The following RTL4 variants were observed in gnomAD, a reference collection of about 807,000 sequenced individuals.
RTL4 encodes the protein retrotransposon Gag-like protein 4.
A neutral mutation model predicts 5.3 loss-of-function variants in RTL4; 4 were observed. The observed-to-expected ratio is 0.75, with a 90% CI of 0.37 to 1.72. The LOEUF (loss-of-function observed/expected upper bound fraction) is 1.72. Among genes scored for constraint, RTL4 ranks in the 40% most tolerant of loss-of-function variants. RTL4 has a pLI of 0.04. For missense variants in RTL4, 260 were observed against 227.1 expected, an observed-to-expected ratio of 1.14 and a Z score of -0.93; for synonymous variants, 98 against 87.3, an observed-to-expected ratio of 1.12 and a Z score of -0.68.
At chrX:112,457,502 A>G (rs1182018967), downstream of RTL4, among the ~76,000 whole-genome samples, 1 of 111,793 alleles carries the variant, frequency 8.9e-6, no homozygotes, top group Non-Finnish European at 1.9e-5. Context: ...TCTATAATAA[A>G]GGACTAACCT....
chrX:112,313,717 G>A, the RTL4 span, among the ~76,000 whole-genome samples: 1 of 109,658 alleles, frequency 9.1e-6, no homozygotes, highest in East Asian at 2.9e-4. Flanking sequence ...TTATCTGAAG[G>A]CCAAATTCAG....
chrX:112,415,732 G>A, the RTL4 span, among the ~76,000 whole-genome samples: 9 of 111,084 alleles, frequency 8.1e-5, no homozygotes, highest in African/African-American at 2.9e-4. Context: ...AATGCTCTTA[G>A]TAACCCTGTG....
chrX:112,432,946 A>C, the RTL4 span, among the ~76,000 whole-genome samples: 16 of 103,221 alleles, frequency 1.6e-4, no homozygotes, highest in East Asian at 3.3e-4. Context: ...AGCTTTCTAC[A>C]TATGGCTAGC....
chrX:112,146,584 A>G, the RTL4 span, among the ~76,000 whole-genome samples: 1 of 110,659 alleles, frequency 9.0e-6, no homozygotes, highest in Non-Finnish European at 1.9e-5. Context: ...TCCAAAGGCT[A>G]ATGGTCAGGG....
the RTL4 span, among the ~76,000 whole-genome samples, chrX:112,110,287 T>C: frequency 8.9e-6 from 1 of 112,249 alleles, no homozygotes; most frequent in East Asian, 2.8e-4. Context: ...GGAGAGTCAC[T>C]GCTGCCAAAG....
chrX:112,128,491 G>A, the RTL4 span, among the ~76,000 whole-genome samples: 824 of 109,211 alleles, frequency 7.5e-3, 9 homozygotes, highest in African/African-American at 0.024. Context: ...AAACCCTGTC[G>A]CTACTAAAAA....
the RTL4 span, among the ~76,000 whole-genome samples, chrX:112,300,184 T>C: frequency 8.9e-6 from 1 of 112,025 alleles, no homozygotes; most frequent in Non-Finnish European, 1.9e-5. Context: ...TCTTTTTGAT[T>C]AATAATGCAT....
the RTL4 span, among the ~76,000 whole-genome samples, chrX:112,096,362 C>G: frequency 5.4e-5 from 6 of 111,729 alleles, no homozygotes; most frequent in Non-Finnish European, 9.4e-5. Context: ...CTATAGGCAT[C>G]CCATTTGTCA....
chrX:112,105,130 T>C, the RTL4 span, among the ~76,000 whole-genome samples: 5 of 111,892 alleles, frequency 4.5e-5, no homozygotes, highest in Non-Finnish European at 9.4e-5. Flanking sequence ...TTTCTCATCA[T>C]AATTTATTGA....
At chrX:112,120,487 A>G in the RTL4 span, among the ~76,000 whole-genome samples, 2 of 110,125 alleles carry the variant, frequency 1.8e-5, no homozygotes, top group Admixed American at 9.6e-5. Flanking sequence ...TGTGTTAGCC[A>G]GGATAGTCTC....
the RTL4 span, among the ~76,000 whole-genome samples, chrX:112,177,860 A>G: frequency 9.0e-6 from 1 of 110,934 alleles, no homozygotes; most frequent in Non-Finnish European, 1.9e-5. Flanking sequence ...TATGGGCCAC[A>G]CAGTCTCTGT....
At chrX:112,276,218 T>C in the RTL4 span, among the ~76,000 whole-genome samples, 1 of 111,786 alleles carries the variant, frequency 8.9e-6, no homozygotes, top group African/African-American at 3.3e-5. Flanking sequence ...GTAAATTTAA[T>C]CGTTTTTGCT....
the RTL4 span, among the ~76,000 whole-genome samples, chrX:112,326,626 G>T: frequency 4.5e-5 from 5 of 111,959 alleles, no homozygotes; most frequent in Admixed American, 9.4e-5. Context: ...CAAAGCAGCC[G>T]GGAAGCTCGA....
At chrX:112,228,671 A>T in the RTL4 span, among the ~76,000 whole-genome samples, 1 of 111,727 alleles carries the variant, frequency 9.0e-6, no homozygotes, top group Non-Finnish European at 1.9e-5. Flanking sequence ...GTATGCTTTG[A>T]TCAACATCTC....
At chrX:112,161,832 C>T in the RTL4 span, among the ~76,000 whole-genome samples, 885 of 26,446 alleles carry the variant, frequency 0.033, 12 homozygotes, top group Middle Eastern at 0.057. Context: ...TTCCTTCCTT[C>T]CTTCCTTCCT....
the RTL4 span, among the ~76,000 whole-genome samples, chrX:112,265,685 C>T: frequency 1.8e-5 from 2 of 111,462 alleles, no homozygotes; most frequent in African/African-American, 6.5e-5. Context: ...TCTTTCCCTT[C>T]TTGCCCCTGA....
At chrX:112,452,256 A>G (rs1292582763), upstream of RTL4, among the ~76,000 whole-genome samples, 1 of 79,774 alleles carries the variant, frequency 1.3e-5, no homozygotes, top group Admixed American at 1.6e-4. Context: ...ACGCGCAGCT[A>G]ATTTTTTTTT....
chrX:112,373,957 AGT>A, the RTL4 span, among the ~76,000 whole-genome samples: 4 of 110,587 alleles, frequency 3.6e-5, no homozygotes, highest in Admixed American at 2.9e-4. Flanking sequence ...TTTTATCAGT[AGT>A]TTGTTTCTTT....
At chrX:112,273,517 G>A in the RTL4 span, among the ~76,000 whole-genome samples, 1 of 111,780 alleles carries the variant, frequency 8.9e-6, no homozygotes, top group Non-Finnish European at 1.9e-5. Flanking sequence ...CTCCCAAAGT[G>A]CTGGGATTAC....
Sources: allele counts gnomAD v4.1 joint callset (sites outside exome capture counted in the v4.1 genomes callset), GRCh38; gene constraint gnomAD v4.1.1; transcripts MANE v1.5; gene names NCBI Gene and HGNC (gene_info 2026-07-23, HGNC 2026-07-21).